The following LRRIQ1 variants were observed in gnomAD, a reference collection of about 807,000 sequenced individuals.
LRRIQ1 encodes leucine-rich repeat- and IQ domain-containing protein 1.
In LRRIQ1, 210 loss-of-function variants were observed where a neutral mutation model predicts 211.9. The ratio of observed to expected loss-of-function variants is 0.99; its 90% CI spans 0.89 to 1.11. LRRIQ1 has a LOEUF of 1.11. Among genes scored for constraint, LRRIQ1 ranks in the 50% most tolerant of loss-of-function variants. LRRIQ1 has a pLI of 0.00. For missense variants in LRRIQ1, 2,136 were observed against 1,939.5 expected (o/e 1.10, Z -1.90); for synonymous variants, 699 against 650.1 (o/e 1.08, Z -1.14).
Position 85,066,845 on chromosome 12 carries a change from G to A in LRRIQ1, c.2642G>A (p.Gly881Asp), listed in dbSNP as rs1357169347. 8.2e-6 allele frequency: 13 copies of A among 1,584,760 alleles called. No individual in the cohort carries two copies. The highest frequency in any genetic ancestry group is 1.0e-5 in the Non-Finnish European group (12 of 1,161,028). The change falls in exon 10 of 27, where the codon GGC becomes GAC. Residue 881 changes from glycine to aspartate, a missense_variant. By Grantham distance (94) the Gly-to-Asp change is moderately conservative. Transcript: ENST00000393217. Reference sequence around the variant, plus strand: ...CTGACTTCTCTTCATGGTTTGGATGGCTGTACTAATATTCAGTGTCTTGAA... The same window carrying A: ...CTGACTTCTCTTCATGGTTTGGATGACTGTACTAATATTCAGTGTCTTGAA... ...NQLTSLHGLDGCTNIQCLELS... is the reference protein window; with the variant it reads ...NQLTSLHGLDDCTNIQCLELS...
rs1565886413 is a variant in LRRIQ1 at position 85,177,862 on chromosome 12, G to A, written c.4822+17148G>A. 2.6e-5 allele frequency among the ~76,000 whole-genome samples: 4 copies of A among 151,970 alleles called. No individual in the cohort carries two copies. The South Asian group carries it at 8.3e-4, about 32-fold the overall frequency. ...CATGGCAGTGGTTCAGCACAGAGATGGTAACTTAGACCAGGGAAAACATAA... is the reference window on the plus strand; with the variant it reads ...CATGGCAGTGGTTCAGCACAGAGATAGTAACTTAGACCAGGGAAAACATAA... On this transcript the variant is annotated intron_variant, in intron 24 of 26. Coordinates refer to ENST00000393217, the MANE Select transcript of LRRIQ1 (RefSeq NM_001079910.2).
At chr12:85,240,809 C>T (rs937218119) in intron 26 of LRRIQ1, among the ~76,000 whole-genome samples, 4 of 151,838 alleles carry the variant, frequency 2.6e-5, no homozygotes, top group East Asian at 1.9e-4. Context: ...TTAAGCATCA[C>T]GTAATTATAG....
intron 1 of LRRIQ1, among the ~76,000 whole-genome samples, chr12:85,253,763 GACT>G (rs912847460): frequency 2.4e-4 from 36 of 152,102 alleles, no homozygotes; most frequent in African/African-American, 8.4e-4. Flanking sequence ...TACCATGTAT[GACT>G]ACAAGTATAA....
chr12:85,189,831 T>A (rs1892403684), intron 24 of LRRIQ1, among the ~76,000 whole-genome samples: 1 of 145,552 alleles, frequency 6.9e-6, no homozygotes, highest in Non-Finnish European at 1.5e-5. Context: ...AAATAATAAT[T>A]AAATATTATT....
rs1047740193 is a variant in LRRIQ1, at chr12:85,112,306, C to T, written c.3377+5691C>T. 3.3e-5 allele frequency among the ~76,000 whole-genome samples: 5 copies of T among 151,582 alleles called. 1 individual carries two copies. The highest frequency in any genetic ancestry group is 9.7e-5 in the African/African-American group (4 of 41,358). On this transcript the variant is annotated intron_variant, in intron 15 of 26. Transcript: ENST00000393217. ...TTATACCCTTGATATTATTTCCTCT[C>T]TTTTATTTACACATAGTTTTTAAAA...
chr12:85,128,297 A>G (rs1028395912), intron 18 of LRRIQ1, among the ~76,000 whole-genome samples: 6 of 152,164 alleles, frequency 3.9e-5, no homozygotes, highest in African/African-American at 1.2e-4. Context: ...CCACACAACC[A>G]TATTTAAAAC....
the LRRIQ1 span, among the ~76,000 whole-genome samples, chr12:85,271,288 A>G: frequency 6.6e-6 from 1 of 152,126 alleles, no homozygotes; most frequent in Non-Finnish European, 1.5e-5. Context: ...AAATTTTGAG[A>G]ATCAGCCACT....
rs182677869 is a variant in LRRIQ1, at chr12:85,143,980, C to G, written c.4329+6011C>G. On this transcript the variant is annotated intron_variant, in intron 19 of 26. Coordinates refer to ENST00000393217, the MANE Select transcript of LRRIQ1 (RefSeq NM_001079910.2). ...TTTGCTATATAGGTAAATTACGTGTCGTGGGGTTTGAAGTACAGATTATCA... is the reference window on the plus strand; with the variant it reads ...TTTGCTATATAGGTAAATTACGTGTGGTGGGGTTTGAAGTACAGATTATCA... Among the ~76,000 whole-genome samples the G allele has an allele frequency of 7.9e-4, 119 of 151,510 alleles. 1 individual carries two copies. Among genetic ancestry groups the G allele is most frequent in the Non-Finnish European group, 9.5e-4 (64 of 67,692 alleles).
At chr12:85,164,277 G>A (rs1891043513) in intron 24 of LRRIQ1, among the ~76,000 whole-genome samples, 1 of 152,110 alleles carries the variant, frequency 6.6e-6, no homozygotes, top group Non-Finnish European at 1.5e-5. Flanking sequence ...ATAGCTTAAT[G>A]GACATTAGTG....
intron 24 of LRRIQ1, among the ~76,000 whole-genome samples, chr12:85,167,908 G>A (rs546742615): frequency 3.3e-5 from 5 of 151,738 alleles, no homozygotes; most frequent in African/African-American, 1.2e-4. Context: ...TCATACAATC[G>A]GAAGTGCACT....
intron 8 of LRRIQ1, among the ~76,000 whole-genome samples, chr12:85,064,040 C>T (rs537966583): frequency 1.3e-4 from 19 of 151,810 alleles, no homozygotes; most frequent in African/African-American, 3.4e-4. Context: ...TCATTTCTTT[C>T]GGCTATATAC....
intron 11 of LRRIQ1, among the ~76,000 whole-genome samples, chr12:85,096,591 T>G (rs961278417): frequency 5.9e-5 from 9 of 152,184 alleles, no homozygotes; most frequent in Non-Finnish European, 1.3e-4. Context: ...GAATTTGACC[T>G]TAGCATATGT....
chr12:85,037,673 G>A (rs1878316307), intron 1 of LRRIQ1, among the ~76,000 whole-genome samples: 1 of 151,920 alleles, frequency 6.6e-6, no homozygotes, highest in African/African-American at 2.4e-5. Flanking sequence ...CAGGTGGAAA[G>A]GTCAGGCCCT....
chr12:85,165,759 G>A (rs761065857), intron 24 of LRRIQ1, among the ~76,000 whole-genome samples: 11 of 151,976 alleles, frequency 7.2e-5, no homozygotes, highest in Non-Finnish European at 1.6e-4. Flanking sequence ...ATGAGCCACC[G>A]CGCCCGGCTG....
intron 24 of LRRIQ1, among the ~76,000 whole-genome samples, chr12:85,183,350 G>T (rs952010420): frequency 6.6e-6 from 1 of 151,438 alleles, no homozygotes; most frequent in African/African-American, 2.4e-5. Flanking sequence ...GTTTCTCTTT[G>T]TCTAAAATCC....
At position 85,192,226 on chromosome 12, in the gene LRRIQ1, T is replaced by A. The variant is rs1020954570; in HGVS notation, c.4822+31512T>A. ...CTTTTGCCCACCTGTACTCGATGTATAGCTGCCACTTATACATGAGAACAA... is the reference window on the plus strand; with the variant it reads ...CTTTTGCCCACCTGTACTCGATGTAAAGCTGCCACTTATACATGAGAACAA... On this transcript the variant is annotated intron_variant, in intron 24 of 26. Transcript: ENST00000393217. 2.0e-5 allele frequency among the ~76,000 whole-genome samples: 3 copies of A among 150,884 alleles called. No homozygotes were observed. In the Admixed American group the frequency reaches 2.0e-4, roughly 10 times the overall value.
At chr12:85,180,528 A>T (rs1301274480) in intron 24 of LRRIQ1, among the ~76,000 whole-genome samples, 1 of 151,930 alleles carries the variant, frequency 6.6e-6, no homozygotes, top group African/African-American at 2.4e-5. Flanking sequence ...GCTATGGAGC[A>T]AGACAATTTA....
In LRRIQ1 at chr12:85,121,773, A is replaced by C. The variant is rs748537162; in HGVS notation, c.3454A>C (p.Thr1152Pro). Residue 1152 changes from threonine (T) to proline (P), a missense_variant, in exon 16 of 27, where the codon ACT becomes CCT. Coordinates refer to ENST00000393217, the MANE Select transcript of LRRIQ1 (RefSeq NM_001079910.2). ...NILNSNSESR[T>P]EEHNQLGSAG... Reference sequence around the variant, plus strand: ...ACTAAACTCTAATTCAGAAAGCCGCACTGAAGAACACAATCAACTGGGATC... The same window carrying C: ...ACTAAACTCTAATTCAGAAAGCCGCCCTGAAGAACACAATCAACTGGGATC... 1.2e-6 allele frequency: 2 copies of C among 1,610,220 alleles called. No individual in the cohort carries two copies. The highest frequency in any genetic ancestry group is 1.1e-5 in the South Asian group (1 of 90,376).
downstream of LRRIQ1, among the ~76,000 whole-genome samples, chr12:85,268,087 T>C (rs1227730286): frequency 6.6e-6 from 1 of 151,978 alleles, no homozygotes; most frequent in African/African-American, 2.4e-5. Context: ...AGATTAAAAT[T>C]GGATCAATTC....
Sources: allele counts gnomAD v4.1 joint callset (sites outside exome capture counted in the v4.1 genomes callset), GRCh38; gene constraint gnomAD v4.1.1; transcripts MANE v1.5; gene names NCBI Gene and HGNC (gene_info 2026-07-23, HGNC 2026-07-21).